GUCY1A2: variants seen among roughly 807,000 people sequenced by gnomAD.
The protein encoded by GUCY1A2 is guanylate cyclase soluble subunit alpha-2.
GUCY1A2 carries 27 observed loss-of-function variants against 63.5 expected under a neutral mutation model. The ratio of observed to expected loss-of-function variants is 0.43; its 90% CI spans 0.31 to 0.59. GUCY1A2 has a LOEUF of 0.59. GUCY1A2 is among the 20% of genes least tolerant of loss of function. GUCY1A2 has a pLI of 0.11. For synonymous variants in GUCY1A2, 364 were observed against 343.5 expected, an observed-to-expected ratio of 1.06 and a Z score of -0.66; for missense variants, 768 against 913.3, an observed-to-expected ratio of 0.84 and a Z score of 2.05.
intron 4 of GUCY1A2, among the ~76,000 whole-genome samples, chr11:106,833,942 T>C (rs1169463173): frequency 6.6e-6 from 1 of 152,024 alleles, no homozygotes; most frequent in Non-Finnish European, 1.5e-5. Context: ...AAGGTACAAT[T>C]GATAAATTAA....
intron 7 of GUCY1A2, among the ~76,000 whole-genome samples, chr11:106,696,007 C>G (rs1051124166): frequency 6.6e-6 from 1 of 152,058 alleles, no homozygotes. Flanking sequence ...TTTTCTGCAA[C>G]CCACCCCAGG....
intron 4 of GUCY1A2, among the ~76,000 whole-genome samples, chr11:106,890,669 T>A (rs1008048449): frequency 6.6e-6 from 1 of 152,166 alleles, no homozygotes; most frequent in African/African-American, 2.4e-5. Context: ...CAAAATTTCA[T>A]CTAGTTGATT....
chr11:106,899,549 G>A (rs1421394959), intron 4 of GUCY1A2, among the ~76,000 whole-genome samples: 2 of 152,138 alleles, frequency 1.3e-5, no homozygotes, highest in Non-Finnish European at 2.9e-5. Context: ...ACTACAGAGA[G>A]AAAATTCAAG....
intron 6 of GUCY1A2, among the ~76,000 whole-genome samples, chr11:106,734,778 G>A (rs987221631): frequency 6.6e-6 from 1 of 152,058 alleles, no homozygotes; most frequent in African/African-American, 2.4e-5. Flanking sequence ...TTCTTAAGAG[G>A]TTTCACTCTT....
intron 1 of GUCY1A2, among the ~76,000 whole-genome samples, chr11:106,990,476 G>A (rs1222937904): frequency 6.6e-6 from 1 of 152,252 alleles, no homozygotes; most frequent in Admixed American, 6.5e-5. Flanking sequence ...GGCCCTGCAG[G>A]CTCAGACAGT....
chr11:106,998,085 C>T (rs1340666484), intron 1 of GUCY1A2, among the ~76,000 whole-genome samples: 3 of 152,136 alleles, frequency 2.0e-5, no homozygotes, highest in Non-Finnish European at 4.4e-5. Flanking sequence ...TCTGCTTACT[C>T]TAAAAACTAA....
intron 3 of GUCY1A2, among the ~76,000 whole-genome samples, chr11:106,963,538 T>C (rs1426031933): frequency 6.6e-6 from 1 of 152,218 alleles, no homozygotes; most frequent in Non-Finnish European, 1.5e-5. Context: ...TGCCCTGCAA[T>C]AGGAGATAAA....
chr11:106,907,808 T>C (rs1218713356), intron 4 of GUCY1A2, among the ~76,000 whole-genome samples: 1 of 151,952 alleles, frequency 6.6e-6, no homozygotes, highest in Non-Finnish European at 1.5e-5. Flanking sequence ...TCTATCATTG[T>C]TGGACATTTG....
At chr11:106,934,673 G>A (rs1860650879) in intron 4 of GUCY1A2, among the ~76,000 whole-genome samples, 1 of 152,070 alleles carries the variant, frequency 6.6e-6, no homozygotes, top group South Asian at 2.1e-4. Context: ...GCATATTTCT[G>A]GGAATTAAAA....
chr11:106,722,507 G>C (rs1199851060), intron 6 of GUCY1A2, among the ~76,000 whole-genome samples: 1 of 151,752 alleles, frequency 6.6e-6, no homozygotes, highest in Non-Finnish European at 1.5e-5. Flanking sequence ...TTTTGATAGT[G>C]CCCTTAGTAC....
At chr11:106,781,448 T>A (rs1268837358) in intron 5 of GUCY1A2, among the ~76,000 whole-genome samples, 4 of 151,894 alleles carry the variant, frequency 2.6e-5, no homozygotes, top group Non-Finnish European at 4.4e-5. Context: ...TTATAAAACT[T>A]TGAAGAATTT....
chr11:106,903,777 C>T (rs1382315529), intron 4 of GUCY1A2, among the ~76,000 whole-genome samples: 1 of 152,126 alleles, frequency 6.6e-6, no homozygotes, highest in Non-Finnish European at 1.5e-5. Flanking sequence ...CATCAAGCCA[C>T]AGAATGGTCA....
chr11:106,957,533 G>A (rs902554101), intron 3 of GUCY1A2, among the ~76,000 whole-genome samples: 5 of 151,826 alleles, frequency 3.3e-5, no homozygotes, highest in Non-Finnish European at 7.4e-5. Flanking sequence ...CTTGGGGAAG[G>A]GGCTTCCCCT....
chr11:106,717,952 G>T (rs1025112135), intron 6 of GUCY1A2, among the ~76,000 whole-genome samples: 3 of 152,086 alleles, frequency 2.0e-5, no homozygotes, highest in African/African-American at 7.2e-5. Context: ...AAAACAATCA[G>T]CTCACTCTAG....
chr11:106,816,321 G>T (rs951538300), intron 4 of GUCY1A2, among the ~76,000 whole-genome samples: 8 of 151,624 alleles, frequency 5.3e-5, no homozygotes, highest in African/African-American at 1.9e-4. Flanking sequence ...ATAACTGAAA[G>T]ACAACAGAAA....
At chr11:106,772,625 A>C (rs76611620) in intron 6 of GUCY1A2, among the ~76,000 whole-genome samples, 3,625 of 152,272 alleles carry the variant, frequency 0.024, 145 homozygotes, top group East Asian at 0.12. Context: ...TTCATAAGAA[A>C]GAGCTAATAT....
At chr11:106,933,293 A>G (rs1860629164) in intron 4 of GUCY1A2, among the ~76,000 whole-genome samples, 1 of 152,304 alleles carries the variant, frequency 6.6e-6, no homozygotes, top group East Asian at 1.9e-4. Context: ...AAATACATGA[A>G]CAGACATTTC....
chr11:107,018,023 G>C lies in GUCY1A2; in HGVS notation c.33C>G (p.Phe11Leu). 1 of 1,477,212 alleles carries C rather than the reference G, an allele frequency of 6.8e-7. No homozygotes were observed. The highest frequency in any genetic ancestry group is 9.1e-7 in the Non-Finnish European group (1 of 1,103,458). The allele number at this position is 1,477,212 out of a possible 1,614,324, so 91.5% of individuals were successfully genotyped here. ...CCAGGTAGTCGGAGCCCAGGGAGCT[G>C]AAGGACTCGGACGAAATCTTCCTTC... MSRRKISSES[F>L]SSLGSDYLET... is the part of the protein sequence containing the mutation. Residue 11 changes from phenylalanine (F) to leucine (L), a missense_variant, in exon 1 of 8, where the codon TTC (phenylalanine) becomes TTG (leucine). By Grantham distance (22) the Phe-to-Leu change is conservative. Around this residue, in one of 3 missense-constraint regions of GUCY1A2, gnomAD observed 496 missense variants for 486.9 expected, o/e 1.02. Coordinates refer to ENST00000526355, the MANE Select transcript of GUCY1A2 (RefSeq NM_000855.3).
intron 4 of GUCY1A2, among the ~76,000 whole-genome samples, chr11:106,853,888 C>T (rs569803567): frequency 6.6e-6 from 1 of 152,096 alleles, no homozygotes; most frequent in South Asian, 2.1e-4. Flanking sequence ...AGTGTAGTCT[C>T]TGTATGATTT....
Sources: allele counts gnomAD v4.1 joint callset (sites outside exome capture counted in the v4.1 genomes callset), GRCh38; gene constraint gnomAD v4.1.1; regional missense constraint gnomAD v4.1.1; transcripts MANE v1.5; gene names NCBI Gene and HGNC (gene_info 2026-07-23, HGNC 2026-07-21).